The following ARMC2 variants were observed in gnomAD, a reference collection of about 807,000 sequenced individuals.
ARMC2 encodes armadillo repeat-containing protein 2.
Under a neutral mutation model 90.3 loss-of-function variants are expected in ARMC2, and 67 were observed. The observed-to-expected ratio is 0.74, with a 90% CI of 0.61 to 0.91. The LOEUF (loss-of-function observed/expected upper bound fraction) is 0.91, where lower values mean the gene tolerates loss of function less well. ARMC2 is among the 40% of genes least tolerant of loss of function. The pLI, the probability that ARMC2 is intolerant of heterozygous loss-of-function variation, is 0.00. For synonymous variants in ARMC2, 393 were observed against 393.0 expected (o/e 1.00, Z 0.00); for missense variants, 920 against 1,030.9 (o/e 0.89, Z 1.47).
chr6:108,865,609 A>G (rs1054833476), intron 3 of ARMC2, among the ~76,000 whole-genome samples: 1 of 152,244 alleles, frequency 6.6e-6, no homozygotes, highest in Non-Finnish European at 1.5e-5. Context: ...TTTTGCACTA[A>G]GAAAATAATG....
chr6:108,879,190 AC>A (rs1039158305), intron 5 of ARMC2, among the ~76,000 whole-genome samples: 4 of 147,996 alleles, frequency 2.7e-5, no homozygotes, highest in African/African-American at 1.0e-4. Context: ...CCACCTATCC[AC>A]CTATCCATCT....
chr6:108,907,863 C>A, intron 8 of ARMC2: 2 of 1,610,736 alleles, frequency 1.2e-6, no homozygotes, highest in Non-Finnish European at 8.5e-7. Context: ...ACTGGTACAA[C>A]TGACGCTATC....
chr6:108,989,447 A>C, the ARMC2 span, among the ~76,000 whole-genome samples: 1 of 149,064 alleles, frequency 6.7e-6, no homozygotes, highest in Non-Finnish European at 1.5e-5. Context: ...ATCTAGATAC[A>C]TCTCTATATC....
At chr6:108,952,086 A>G (rs1480777694) in intron 12 of ARMC2, among the ~76,000 whole-genome samples, 1 of 152,194 alleles carries the variant, frequency 6.6e-6, no homozygotes, top group Non-Finnish European at 1.5e-5. Context: ...CTGGCACTGT[A>G]TATATAGATA....
intron 1 of ARMC2, among the ~76,000 whole-genome samples, chr6:108,853,746 T>G (rs571493263): frequency 2.0e-5 from 3 of 152,204 alleles, no homozygotes; most frequent in Non-Finnish European, 4.4e-5. Context: ...AGTTATATCA[T>G]GGACAAATGT....
the ARMC2 span, among the ~76,000 whole-genome samples, chr6:108,980,255 C>T: frequency 1.3e-4 from 20 of 152,282 alleles, no homozygotes; most frequent in South Asian, 2.5e-3. Flanking sequence ...CCCTCTGCTG[C>T]AGTTCTGCTG....
At chr6:108,985,924 C>T in the ARMC2 span, among the ~76,000 whole-genome samples, 1 of 152,138 alleles carries the variant, frequency 6.6e-6, no homozygotes. Flanking sequence ...AGGTTATAGT[C>T]TTGTCTTCTC....
At chr6:108,987,407 A>G in the ARMC2 span, 4 of 543,254 alleles carry the variant, frequency 7.4e-6, no homozygotes, top group Admixed American at 9.9e-5. Context: ...ACAGAAAAAT[A>G]GCAGAAACTA....
intron 8 of ARMC2, chr6:108,907,480 C>T (rs4946939): frequency 0.73 from 271,584 of 374,296 alleles, 99,559 homozygotes; most frequent in Middle Eastern, 0.77. Flanking sequence ...TTTTTTTTAC[C>T]AGTCATCTTT....
chr6:108,912,248 G>A, intron 9 of ARMC2, 87 bp from the exon 10 acceptor site: 1 of 915,334 alleles, frequency 1.1e-6, no homozygotes, highest in Non-Finnish European at 1.6e-6. Flanking sequence ...TTTACGAAGT[G>A]TATTTTATGT....
At chr6:108,952,328 C>T (rs1777251672) in intron 12 of ARMC2, among the ~76,000 whole-genome samples, 1 of 152,208 alleles carries the variant, frequency 6.6e-6, no homozygotes, top group African/African-American at 2.4e-5. Flanking sequence ...AGCCTATATA[C>T]AGAAAAGTGC....
chr6:108,867,839 C>T (rs560529817), intron 3 of ARMC2, among the ~76,000 whole-genome samples: 1 of 151,772 alleles, frequency 6.6e-6, no homozygotes, highest in Admixed American at 6.6e-5. Flanking sequence ...GGAGCTGAGG[C>T]CGGAGAATCA....
At chr6:108,868,772 T>G in intron 3 of ARMC2, 52 bp from the exon 4 acceptor site, 4 of 1,566,846 alleles carry the variant, frequency 2.6e-6, no homozygotes, top group Admixed American at 1.8e-5. Context: ...GAGGTAAGTG[T>G]TATTTGAGAC....
intron 12 of ARMC2, among the ~76,000 whole-genome samples, chr6:108,952,637 C>T (rs768821416): frequency 1.3e-5 from 2 of 150,576 alleles, no homozygotes; most frequent in African/African-American, 4.9e-5. Flanking sequence ...CAGCAGGAGA[C>T]GAAATTTTAA....
chr6:108,910,875 A>T, intron 8 of ARMC2, 24 bp from the exon 9 acceptor site: 2 of 1,205,354 alleles, frequency 1.7e-6, no homozygotes, highest in Non-Finnish European at 2.3e-6. Flanking sequence ...CTTCTGCAAT[A>T]GAGATGTGTT....
the ARMC2 span, among the ~76,000 whole-genome samples, chr6:109,046,100 GCCCTCT>G: frequency 3.9e-5 from 6 of 151,924 alleles, no homozygotes; most frequent in South Asian, 2.1e-4. Context: ...TGTAGCTCTA[GCCCTCT>G]CCCTCTCCCT....
At chr6:108,925,494 A>G (rs762652339) in intron 10 of ARMC2, among the ~76,000 whole-genome samples, 2 of 152,216 alleles carry the variant, frequency 1.3e-5, no homozygotes, top group Non-Finnish European at 2.9e-5. Flanking sequence ...AAACCATAAT[A>G]TTAAATAACC....
intron 12 of ARMC2, among the ~76,000 whole-genome samples, chr6:108,937,942 C>T (rs959720256): frequency 1.3e-5 from 2 of 152,102 alleles, no homozygotes; most frequent in Non-Finnish European, 2.9e-5. Flanking sequence ...ATGATCCGCC[C>T]ACCTTGGCCT....
chr6:108,868,301 C>G (rs1009797481), intron 3 of ARMC2, among the ~76,000 whole-genome samples: 2 of 152,100 alleles, frequency 1.3e-5, no homozygotes, highest in African/African-American at 4.8e-5. Flanking sequence ...ACTGCAACCT[C>G]CAACTCCTGG....
Sources: gnomAD v4.1 joint callset for allele counts (sites outside exome capture counted in the v4.1 genomes callset) on GRCh38, gnomAD v4.1.1 for gene constraint, MANE v1.5 for transcripts, NCBI Gene and HGNC (gene_info 2026-07-23, HGNC 2026-07-21) for gene names.